Variants in PAH observed in about 807,000 individuals in gnomAD.
PAH encodes phenylalanine-4-hydroxylase.
Under a neutral mutation model 62.0 loss-of-function variants are expected in PAH, and 64 were observed. The ratio of observed to expected loss-of-function variants is 1.03; its 90% CI spans 0.84 to 1.27. The LOEUF (loss-of-function observed/expected upper bound fraction) is 1.27. PAH is among the 50% of genes most tolerant of loss of function. The probability of loss-of-function intolerance (pLI) is 0.00; values close to 1 mark genes in which losing one functional copy is unlikely to be tolerated. For missense variants in PAH, 579 were observed against 542.8 expected (o/e 1.07, Z -0.66); for synonymous variants, 195 against 196.2 (o/e 0.99, Z 0.05).
intron 2 of PAH, chr12:102,904,672 T>G: frequency 2.3e-6 from 1 of 435,280 alleles, no homozygotes; most frequent in South Asian, 1.7e-5. Flanking sequence ...GTTTTGCCAC[T>G]TATTTCCTTT....
At chr12:102,954,372 A>G (rs1371858059), upstream of PAH, among the ~76,000 whole-genome samples, 1 of 152,188 alleles carries the variant, frequency 6.6e-6, no homozygotes, top group Non-Finnish European at 1.5e-5. Context: ...CAGGAAGCCA[A>G]GTGCTGAGGC....
intron 3 of PAH, among the ~76,000 whole-genome samples, chr12:102,884,589 C>G (rs1251916323): frequency 1.3e-5 from 2 of 152,186 alleles, no homozygotes; most frequent in Admixed American, 6.5e-5. Flanking sequence ...TTGCCTGCCT[C>G]CTTCTTTGGG....
intron 4 of PAH, among the ~76,000 whole-genome samples, chr12:102,876,462 C>G (rs907777089): frequency 1.3e-5 from 2 of 152,226 alleles, no homozygotes; most frequent in African/African-American, 4.8e-5. Context: ...ATCTGCTTTG[C>G]CTCCTGAAAA....
intron 1 of PAH, chr12:102,916,733 C>A (rs769009517): frequency 4.1e-5 from 15 of 367,308 alleles, no homozygotes; most frequent in Non-Finnish European, 7.3e-5. Context: ...AGGGACCAGC[C>A]CCTTCAGTGT....
chr12:102,927,149 C>G (rs1418081136), intron 1 of PAH, among the ~76,000 whole-genome samples: 1 of 151,938 alleles, frequency 6.6e-6, no homozygotes, highest in Non-Finnish European at 1.5e-5. Context: ...ACATCAAATC[C>G]AAAGTTATCA....
chr12:102,946,375 T>A (rs900792396), intron 1 of PAH, among the ~76,000 whole-genome samples: 4 of 152,224 alleles, frequency 2.6e-5, no homozygotes, highest in Non-Finnish European at 5.9e-5. Context: ...CCTTTTGAGT[T>A]TCTTTAGTAC....
intron 1 of PAH, among the ~76,000 whole-genome samples, chr12:102,933,932 G>A (rs570089120): frequency 6.6e-6 from 1 of 152,030 alleles, no homozygotes; most frequent in Admixed American, 6.5e-5. Context: ...TGGTGCAAAA[G>A]CATTTTTAAC....
intron 9 of PAH, among the ~76,000 whole-genome samples, chr12:102,845,900 T>G (rs1874819450): frequency 6.6e-6 from 1 of 152,178 alleles, no homozygotes; most frequent in African/African-American, 2.4e-5. Flanking sequence ...GATAAGTCAT[T>G]TTAATATTGT....
intron 2 of PAH, among the ~76,000 whole-genome samples, chr12:102,896,615 A>C (rs1402947068): frequency 6.6e-6 from 1 of 152,224 alleles, no homozygotes; most frequent in Non-Finnish European, 1.5e-5. Flanking sequence ...AAGATATTAC[A>C]TTCAGGACGT....
chr12:102,867,019 G>T (rs1359560533), intron 4 of PAH, among the ~76,000 whole-genome samples: 1 of 152,204 alleles, frequency 6.6e-6, no homozygotes, highest in Non-Finnish European at 1.5e-5. Flanking sequence ...TTTAATTCCT[G>T]ATTAAGGTTT....
chr12:102,941,703 C>T (rs78063403), intron 1 of PAH, among the ~76,000 whole-genome samples: 4,809 of 152,114 alleles, frequency 0.032, 260 homozygotes, highest in African/African-American at 0.11. Context: ...ACAAAAATAG[C>T]AGGAAACTAT....
At chr12:102,951,211 A>G (rs990043207), upstream of PAH, among the ~76,000 whole-genome samples, 3 of 151,850 alleles carry the variant, frequency 2.0e-5, no homozygotes, top group Admixed American at 6.6e-5. Context: ...GCGGATTGCA[A>G]CCCCACCCCG....
intron 1 of PAH, chr12:102,946,869 G>T (rs1420335570): frequency 2.0e-5 from 3 of 152,188 alleles, no homozygotes; most frequent in Non-Finnish European, 4.4e-5. Context: ...GAAAGGTTTT[G>T]TAGAGGAGCA....
At chr12:102,903,650 G>T (rs1457456077) in intron 2 of PAH, among the ~76,000 whole-genome samples, 1 of 152,110 alleles carries the variant, frequency 6.6e-6, no homozygotes, top group African/African-American at 2.4e-5. Context: ...GCTTCCAAAA[G>T]GTCTGTCTAC....
intron 3 of PAH, among the ~76,000 whole-genome samples, chr12:102,884,642 G>A (rs1033401935): frequency 6.6e-6 from 1 of 152,160 alleles, no homozygotes; most frequent in Non-Finnish European, 1.5e-5. Context: ...TGTGGCATCA[G>A]TCCTTGCACC....
rs767453024 is a variant in PAH at position 102,894,864 on chromosome 12, C to T, written c.223G>A (p.Asp75Asn). The T allele has an allele frequency of 1.8e-5, 29 of 1,613,658 alleles. No homozygotes were observed. Among genetic ancestry groups the T allele is most frequent in the Non-Finnish European group, 2.3e-5 (27 of 1,179,834 alleles). The change falls in exon 3 of 13, where the codon GAT becomes AAT. Residue 75 changes from aspartate (D) to asparagine (N), a missense_variant. Transcript: ENST00000553106. ...IESRPSRLKK[D>N]EYEFFTHLDK... ...AAATGGGTGAAAAATTCATACTCAT[C>T]TTTCTTTAAACGAGAAGGTCTAGAT...
At chr12:102,864,574 G>A (rs896123849) in intron 5 of PAH, among the ~76,000 whole-genome samples, 4 of 152,100 alleles carry the variant, frequency 2.6e-5, no homozygotes, top group Non-Finnish European at 5.9e-5. Flanking sequence ...TGTTAAAAAT[G>A]TGACACTAAA....
intron 2 of PAH, among the ~76,000 whole-genome samples, chr12:102,897,169 A>T (rs1300096441): frequency 6.6e-6 from 1 of 152,154 alleles, no homozygotes; most frequent in African/African-American, 2.4e-5. Flanking sequence ...TGCCTTCCAG[A>T]AAGTCTATAC....
chr12:102,942,846 G>C (rs1323256875), intron 1 of PAH, among the ~76,000 whole-genome samples: 4 of 152,138 alleles, frequency 2.6e-5, no homozygotes, highest in African/African-American at 9.7e-5. Context: ...ATGGTGCTGG[G>C]ATAGAGGACT....
Sources: allele counts gnomAD v4.1 joint callset (sites outside exome capture counted in the v4.1 genomes callset), GRCh38; gene constraint gnomAD v4.1.1; transcripts MANE v1.5; gene names NCBI Gene and HGNC (gene_info 2026-07-23, HGNC 2026-07-21).